Variants in KCNIP4 observed in about 807,000 individuals in gnomAD.
KCNIP4 encodes Kv channel-interacting protein 4.
KCNIP4 carries 12 observed loss-of-function variants against 34.0 expected under a neutral mutation model. The observed-to-expected ratio is 0.35, with a 90% confidence interval of 0.23 to 0.57. The LOEUF is 0.57. Ranked by LOEUF, KCNIP4 falls within the 20% of genes least tolerant of loss-of-function variation. The pLI, the probability that KCNIP4 is intolerant of heterozygous loss-of-function variation, is 0.83. For synonymous variants in KCNIP4, 124 were observed against 102.2 expected (o/e 1.21, Z -1.29); for missense variants, 238 against 311.7 (o/e 0.76, Z 1.78).
chr4:21,528,703 G>T (rs1341939529), intron 1 of KCNIP4, among the ~76,000 whole-genome samples: 5 of 248 alleles, frequency 0.02, 1 homozygote, highest in Non-Finnish European at 0.037. Flanking sequence ...AAGAAAGAAA[G>T]AAAGAAAGAA....
chr4:21,274,499 C>T (rs1230462534), intron 1 of KCNIP4, among the ~76,000 whole-genome samples: 2 of 152,098 alleles, frequency 1.3e-5, no homozygotes, highest in Non-Finnish European at 2.9e-5. Context: ...TAATCACTCC[C>T]AACTTAAATG....
chr4:21,770,518 G>C (rs1718708752), intron 1 of KCNIP4, among the ~76,000 whole-genome samples: 1 of 152,082 alleles, frequency 6.6e-6, no homozygotes, highest in African/African-American at 2.4e-5. Flanking sequence ...CTAGATCCTT[G>C]AGGAATCACC....
intron 1 of KCNIP4, among the ~76,000 whole-genome samples, chr4:21,458,395 G>T (rs1049232276): frequency 1.3e-5 from 2 of 151,522 alleles, no homozygotes; most frequent in Non-Finnish European, 2.9e-5. Context: ...GTCTATCATT[G>T]TTGGACATTT....
intron 1 of KCNIP4, among the ~76,000 whole-genome samples, chr4:21,465,513 C>G (rs1200748167): frequency 6.6e-6 from 1 of 152,098 alleles, no homozygotes; most frequent in South Asian, 2.1e-4. Context: ...GTCCTAAGAC[C>G]ACCAGTTGCA....
In KCNIP4 at chr4:21,064,132, A is replaced by G. The variant is rs375381104; in HGVS notation, c.62-181423T>C. ...TCTCTTGCTAATCCAACAATTTCAT[A>G]CTGACAGCCTTTCACTGGGAAATTT... On this transcript the variant is annotated intron_variant, in intron 1 of 8. Transcript: ENST00000382152. 1.1e-4 allele frequency among the ~76,000 whole-genome samples: 16 copies of G among 152,284 alleles called. No homozygotes were observed. The East Asian group carries it at 2.1e-3, about 20-fold the overall frequency.
chr4:21,506,848 G>C (rs358554), intron 1 of KCNIP4, among the ~76,000 whole-genome samples: 1 of 151,940 alleles, frequency 6.6e-6, no homozygotes, highest in African/African-American at 2.4e-5. Context: ...CTGGAGTGCA[G>C]TGGCATGATC....
chr4:21,250,659 T>C (rs904348103), intron 1 of KCNIP4, among the ~76,000 whole-genome samples: 3 of 152,078 alleles, frequency 2.0e-5, no homozygotes, highest in African/African-American at 7.2e-5. Context: ...TTTCATGTTA[T>C]TGGCTGGCGA....
chr4:21,643,990 T>C (rs1399343381), intron 1 of KCNIP4, among the ~76,000 whole-genome samples: 2 of 152,068 alleles, frequency 1.3e-5, no homozygotes, highest in African/African-American at 2.4e-5. Context: ...GCTTTACTCA[T>C]TAAATTTTAA....
chr4:21,059,701 G>A (rs556053254), intron 1 of KCNIP4, among the ~76,000 whole-genome samples: 163 of 152,172 alleles, frequency 1.1e-3, no homozygotes, highest in Middle Eastern at 3.4e-3. Flanking sequence ...TAGAGATCTA[G>A]AGAAATAAGC....
intron 1 of KCNIP4, among the ~76,000 whole-genome samples, chr4:21,334,575 A>G (rs891295050): frequency 7.9e-5 from 12 of 152,070 alleles, no homozygotes; most frequent in African/African-American, 1.9e-4. Flanking sequence ...AATGATTTTT[A>G]GGAAATTTAC....
intron 1 of KCNIP4, among the ~76,000 whole-genome samples, chr4:21,475,778 A>G: frequency 6.6e-6 from 1 of 152,208 alleles, no homozygotes; most frequent in Non-Finnish European, 1.5e-5. Flanking sequence ...TTCTAGAGTG[A>G]CTTCTGATTT....
Position 20,931,185 on chromosome 4 carries a change from A to ACG in KCNIP4, c.62-48477_62-48476insCG, listed in dbSNP as rs1160911605. Reference sequence around the variant, plus strand: ...TATAAAGACAATGTGGTACACACACACACACACACACAGACACACACACAC... The same window carrying ACG: ...TATAAAGACAATGTGGTACACACACACGCACACACACACAGACACACACACAC... On this transcript the variant is annotated intron_variant, in intron 1 of 8. Coordinates refer to ENST00000382152, the MANE Select transcript of KCNIP4 (RefSeq NM_025221.6). Among the ~76,000 whole-genome samples the ACG allele has an allele frequency of 2.0e-5, 3 of 151,782 alleles. No individual in the cohort carries two copies. In the East Asian group the frequency reaches 5.8e-4, roughly 29 times the overall value.
intron 1 of KCNIP4, among the ~76,000 whole-genome samples, chr4:21,375,501 A>G (rs1197075516): frequency 1.3e-5 from 2 of 152,328 alleles, no homozygotes; most frequent in East Asian, 3.9e-4. Flanking sequence ...GTCCAGGGGT[A>G]TAGTGCATTT....
intron 1 of KCNIP4, among the ~76,000 whole-genome samples, chr4:21,459,019 T>A (rs1553885862): frequency 6.6e-6 from 1 of 152,120 alleles, no homozygotes; most frequent in Non-Finnish European, 1.5e-5. Context: ...ACGTTATCAC[T>A]GTTTTTAATC....
intron 1 of KCNIP4, among the ~76,000 whole-genome samples, chr4:21,586,286 G>A (rs189270427): frequency 2.6e-5 from 4 of 152,154 alleles, no homozygotes; most frequent in African/African-American, 9.6e-5. Flanking sequence ...TAAGAAGAGG[G>A]ATCGTAGATT....
intron 1 of KCNIP4, among the ~76,000 whole-genome samples, chr4:21,014,243 C>A (rs891425840): frequency 6.6e-6 from 1 of 152,148 alleles, no homozygotes; most frequent in Non-Finnish European, 1.5e-5. Flanking sequence ...ACAAGACCAC[C>A]ACATGCCCCA....
intron 3 of KCNIP4, among the ~76,000 whole-genome samples, chr4:20,833,660 TTA>T (rs1304631751): frequency 6.6e-6 from 1 of 152,102 alleles, no homozygotes; most frequent in Non-Finnish European, 1.5e-5. Flanking sequence ...GCAAAATAAT[TTA>T]TATGTTAATG....
chr4:21,373,428 A>T (rs1382992358), intron 1 of KCNIP4, among the ~76,000 whole-genome samples: 1 of 147,690 alleles, frequency 6.8e-6, no homozygotes, highest in Non-Finnish European at 1.5e-5. Context: ...TCAACTAAAA[A>T]GGTCTGAGAG....
chr4:21,579,538 C>T (rs1466311444), intron 1 of KCNIP4, among the ~76,000 whole-genome samples: 1 of 152,058 alleles, frequency 6.6e-6, no homozygotes, highest in African/African-American at 2.4e-5. Context: ...TATATCCATT[C>T]ATGCATTTGT....
Sources: gnomAD v4.1 joint callset for allele counts (sites outside exome capture counted in the v4.1 genomes callset) on GRCh38, gnomAD v4.1.1 for gene constraint, MANE v1.5 for transcripts, NCBI Gene and HGNC (gene_info 2026-07-23, HGNC 2026-07-21) for gene names.